PCSK6: variants seen among roughly 807,000 people sequenced by gnomAD.
PCSK6 encodes the protein proprotein convertase subtilisin/kexin type 6, also known as paired basic amino acid cleaving enzyme 4.
In PCSK6, 85 loss-of-function variants were observed where a neutral mutation model predicts 123.3. That is an observed-to-expected ratio of 0.69 (90% confidence interval 0.58 to 0.83). The LOEUF is 0.83. PCSK6 is among the 40% of genes least tolerant of loss of function. The pLI, the probability that PCSK6 is intolerant of heterozygous loss-of-function variation, is 0.00. For synonymous variants in PCSK6, 508 were observed against 516.0 expected (o/e 0.98, Z 0.21); for missense variants, 1,191 against 1,282.3 (o/e 0.93, Z 1.09).
chr15:101,349,774 C>T, intron 13 of PCSK6, among the ~76,000 whole-genome samples: 1 of 152,198 alleles, frequency 6.6e-6, no homozygotes. Context: ...CATTCCCGTT[C>T]TTTAAATCAC....
At chr15:101,315,177 C>T (rs1359442047) in intron 19 of PCSK6, among the ~76,000 whole-genome samples, 1 of 152,204 alleles carries the variant, frequency 6.6e-6, no homozygotes, top group Admixed American at 6.5e-5. Flanking sequence ...TGTTAAAACA[C>T]ATTTATTTGG....
chr15:101,458,939 G>A (rs951636483), intron 1 of PCSK6, among the ~76,000 whole-genome samples: 2 of 152,154 alleles, frequency 1.3e-5, no homozygotes, highest in Non-Finnish European at 2.9e-5. Context: ...CATCCCGCAA[G>A]CATGCTGGAT....
intron 12 of PCSK6, among the ~76,000 whole-genome samples, chr15:101,368,759 C>G (rs923407048): frequency 1.3e-5 from 2 of 152,206 alleles, no homozygotes; most frequent in Non-Finnish European, 2.9e-5. Context: ...GACACACACT[C>G]GCCCACCTGC....
intron 18 of PCSK6, 40 bp from the exon 19 acceptor site, chr15:101,318,462 A>G: frequency 6.7e-7 from 1 of 1,494,308 alleles, no homozygotes; most frequent in Non-Finnish European, 9.1e-7. Flanking sequence ...ATCCATTCCA[A>G]AAGTCTAATT....
In PCSK6 at chr15:101,443,399, A is replaced by T. The variant is rs561714420; in HGVS notation, c.402+157T>A. Among the ~76,000 whole-genome samples, 4 of 152,338 alleles carry T rather than the reference A, an allele frequency of 2.6e-5. No individual in the cohort carries two copies. The South Asian group carries it at 8.3e-4, about 32-fold the overall frequency. ...TCCTCACTCACATGATTTAGTTCAG[A>T]TGGTCTGATTCGTAGCTACACCTGT... On this transcript the variant is annotated intron_variant, in intron 2 of 21. Transcript: ENST00000611716.
intron 6 of PCSK6, among the ~76,000 whole-genome samples, chr15:101,410,703 G>A (rs1020806742): frequency 1.1e-4 from 17 of 152,308 alleles, no homozygotes; most frequent in Admixed American, 4.6e-4. Context: ...TCTGGTCACC[G>A]CGATGTCCTA....
chr15:101,307,233 G>A lies in PCSK6; in HGVS notation c.2792C>T (p.Thr931Ile). Residue 931 changes from threonine to isoleucine, a missense_variant, in exon 21 of 22, where the codon ACC (threonine) becomes ATC (isoleucine). This residue lies in a region of PCSK6 where 630 missense variants were observed against 631.4 expected (regional missense o/e 1.00). Transcript: ENST00000611716. Reference protein sequence around the residue: ...GFTQLGTSCITNHTCSNADET... With the variant: ...GFTQLGTSCIINHTCSNADET... ...CTCACCGTTGCTGCACGTGTGGTTG[G>A]TGATGCAGGAGGTCCCCAGCTGTGT... is the stretch of plus-strand genomic sequence containing the variant. 1 of 1,613,424 alleles carries A rather than the reference G, an allele frequency of 6.2e-7. No individual in the cohort carries two copies. The highest frequency in any genetic ancestry group is 8.5e-7 in the Non-Finnish European group (1 of 1,179,518).
At chr15:101,489,310 C>T (rs1318394921) in intron 1 of PCSK6, 64 bp downstream of exon 1, 436 of 1,013,872 alleles carry the variant, frequency 4.3e-4, no homozygotes, top group Non-Finnish European at 5.1e-4. Context: ...TGCGGAGGCG[C>T]CCCCCTCGCG....
intron 13 of PCSK6, among the ~76,000 whole-genome samples, chr15:101,352,305 G>A (rs563159335): frequency 4.7e-4 from 71 of 151,746 alleles, no homozygotes; most frequent in African/African-American, 1.2e-3. Context: ...CCGCCACTGC[G>A]CCCGGCTAAT....
At chr15:101,458,406 T>C (rs1477382913) in intron 1 of PCSK6, among the ~76,000 whole-genome samples, 1 of 152,114 alleles carries the variant, frequency 6.6e-6, no homozygotes, top group Non-Finnish European at 1.5e-5. Flanking sequence ...AGCTGGGCAA[T>C]GTGGCCCGGG....
chr15:101,423,259 AT>A (rs35566551), intron 6 of PCSK6, among the ~76,000 whole-genome samples: 45,747 of 139,602 alleles, frequency 0.33, 6,920 homozygotes, highest in Non-Finnish European at 0.36. Flanking sequence ...AAATATCTGA[AT>A]TTTTTTTTTT....
intron 13 of PCSK6, among the ~76,000 whole-genome samples, chr15:101,346,098 G>A (rs1452093689): frequency 6.6e-6 from 1 of 152,252 alleles, no homozygotes; most frequent in Non-Finnish European, 1.5e-5. Context: ...CTCCTGGTAA[G>A]ACTACAAATC....
At chr15:101,366,622 T>C (rs951824589) in intron 12 of PCSK6, among the ~76,000 whole-genome samples, 2 of 152,274 alleles carry the variant, frequency 1.3e-5, no homozygotes, top group African/African-American at 2.4e-5. Flanking sequence ...GAAAGATGTT[T>C]ACAAGCTCTC....
chr15:101,445,835 T>A (rs756549623), intron 1 of PCSK6, among the ~76,000 whole-genome samples: 2 of 152,246 alleles, frequency 1.3e-5, no homozygotes, highest in African/African-American at 2.4e-5. Context: ...GTGCTGACCC[T>A]TAGCAGGCTC....
Position 101,304,868 on chromosome 15 carries a change from A to G in PCSK6, c.*390T>C, listed in dbSNP as rs1321405101. ...GCCAGCTGGGCCGGGGAGATTTACT[A>G]CACAGCCGCAGAAAAGCACGGGGAG... On this transcript the variant is annotated 3_prime_UTR_variant, in exon 22 of 22. Coordinates refer to ENST00000611716, the MANE Select transcript of PCSK6 (RefSeq NM_002570.5). 1.1e-5 allele frequency: 2 copies of G among 182,062 alleles called. No homozygotes were observed. The highest frequency in any genetic ancestry group is 4.7e-5 in the African/African-American group (2 of 42,308). The allele number at this position is 182,062 out of a possible 1,614,324, so 11.3% of individuals were successfully genotyped here. A position where few individuals can be genotyped will look rare whatever the true frequency, so the allele number is the denominator to read the frequency against.
intron 12 of PCSK6, among the ~76,000 whole-genome samples, chr15:101,368,371 T>C (rs1278241324): frequency 6.6e-6 from 1 of 152,220 alleles, no homozygotes; most frequent in Non-Finnish European, 1.5e-5. Flanking sequence ...CAGGCCCCTG[T>C]GCCAGGGATA....
intron 1 of PCSK6, among the ~76,000 whole-genome samples, chr15:101,483,715 G>A (rs2057948466): frequency 6.6e-6 from 1 of 152,232 alleles, no homozygotes; most frequent in Non-Finnish European, 1.5e-5. Flanking sequence ...TTAGAGCGAG[G>A]GTGACTGGAA....
Position 101,307,264 on chromosome 15 carries a change from C to T in PCSK6, c.2761G>A (p.Gly921Ser). Reference sequence around the variant, plus strand: ...CAGGAGGTCCCCAGCTGTGTGAAGCCCGTCTTACACCTGCTACAGTTCCTG... The same window carrying T: ...CAGGAGGTCCCCAGCTGTGTGAAGCTCGTCTTACACCTGCTACAGTTCCTG... ...SSRNCSRCKT[G>S]FTQLGTSCIT... The change falls in exon 21 of 22, where the codon GGC becomes AGC. Residue 921 changes from glycine to serine, a missense_variant. Physicochemically the swap from Gly to Ser is moderately conservative, Grantham distance 56. Coordinates refer to ENST00000611716, the MANE Select transcript of PCSK6 (RefSeq NM_002570.5). 1 of 1,613,834 alleles carries T rather than the reference C, an allele frequency of 6.2e-7. No individual in the cohort carries two copies. The highest frequency in any genetic ancestry group is 1.1e-5 in the South Asian group (1 of 91,072).
chr15:101,341,794 A>G (rs1464252846), intron 13 of PCSK6, among the ~76,000 whole-genome samples: 1 of 152,220 alleles, frequency 6.6e-6, no homozygotes, highest in Admixed American at 6.5e-5. Context: ...AATAAAGAGC[A>G]CTAGAAATGG....
Sources: allele counts gnomAD v4.1 joint callset (sites outside exome capture counted in the v4.1 genomes callset), GRCh38; gene constraint gnomAD v4.1.1; regional missense constraint gnomAD v4.1.1; transcripts MANE v1.5; gene names NCBI Gene and HGNC (gene_info 2026-07-23, HGNC 2026-07-21).